CYP2C19: variants seen among roughly 807,000 people sequenced by gnomAD.
CYP2C19 encodes the protein cytochrome P450 family 2 subfamily C member 19.
CYP2C19 carries 59 observed loss-of-function variants against 40.9 expected under a neutral mutation model. The observed-to-expected ratio is 1.44, with a 90% CI of 1.17 to 1.79. The LOEUF (loss-of-function observed/expected upper bound fraction) is 1.79, where lower values mean the gene tolerates loss of function less well. CYP2C19 is among the 40% of genes most tolerant of loss of function. CYP2C19 has a pLI of 0.00. For missense variants in CYP2C19, 754 were observed against 596.9 expected (o/e 1.26, Z -2.74); for synonymous variants, 253 against 208.7 (o/e 1.21, Z -1.83).
chr10:94,821,164 A>G (rs1271104413), intron 6 of CYP2C19, among the ~76,000 whole-genome samples: 4 of 152,182 alleles, frequency 2.6e-5, no homozygotes, highest in Non-Finnish European at 5.9e-5. Context: ...AGAGAAATGA[A>G]GACAGCATGG....
rs141964567 is a variant in CYP2C19, at chr10:94,770,813, G to T, written c.169-4245G>T. Among the ~76,000 whole-genome samples the T allele has an allele frequency of 3.1e-3, 474 of 152,202 alleles. 3 individuals carry two copies. The highest frequency in any genetic ancestry group is 0.011 in the African/African-American group (451 of 41,540). Reference sequence around the variant, plus strand: ...ACTCCTTCTAGAACACTGGTCAACAGATGTTTATGACTACAGTCCCCATGA... The same window carrying T: ...ACTCCTTCTAGAACACTGGTCAACATATGTTTATGACTACAGTCCCCATGA... On this transcript the variant is annotated intron_variant, in intron 1 of 8. Transcript: ENST00000371321.
intron 5 of CYP2C19, among the ~76,000 whole-genome samples, chr10:94,783,560 A>G (rs1181545698): frequency 6.6e-6 from 1 of 152,032 alleles, no homozygotes; most frequent in Non-Finnish European, 1.5e-5. Context: ...CTCCTATTGA[A>G]TTGTCTTGAC....
At chr10:94,784,289 A>T (rs1848514167) in intron 5 of CYP2C19, among the ~76,000 whole-genome samples, 1 of 152,054 alleles carries the variant, frequency 6.6e-6, no homozygotes, top group African/African-American at 2.4e-5. Context: ...ACAAATTGTT[A>T]TTCATCTGTT....
intron 1 of CYP2C19, among the ~76,000 whole-genome samples, chr10:94,770,712 A>C (rs1268724500): frequency 6.6e-6 from 1 of 152,164 alleles, no homozygotes; most frequent in East Asian, 1.9e-4. Flanking sequence ...CGAGGAAAGC[A>C]GAAGGATTTT....
At chr10:94,803,410 C>T (rs917658854) in intron 5 of CYP2C19, among the ~76,000 whole-genome samples, 2 of 152,158 alleles carry the variant, frequency 1.3e-5, no homozygotes, top group African/African-American at 4.8e-5. Flanking sequence ...TGAGCAAAAG[C>T]CAGCTGCAGC....
intron 5 of CYP2C19, among the ~76,000 whole-genome samples, chr10:94,783,561 T>C (rs568888761): frequency 6.6e-6 from 1 of 152,168 alleles, no homozygotes; most frequent in East Asian, 1.9e-4. Context: ...TCCTATTGAA[T>C]TGTCTTGACA....
chr10:94,769,457 C>A (rs1848297026), intron 1 of CYP2C19, among the ~76,000 whole-genome samples: 1 of 152,106 alleles, frequency 6.6e-6, no homozygotes, highest in Admixed American at 6.5e-5. Flanking sequence ...AGAAGGCATC[C>A]TTGAGGTCCA....
intron 4 of CYP2C19, 21 bp downstream of exon 4, chr10:94,780,680 T>C (rs770543095): frequency 6.2e-7 from 1 of 1,612,862 alleles, no homozygotes; most frequent in African/African-American, 1.3e-5. Context: ...GTTTTTTGCT[T>C]CCTGAGAAAC....
At chr10:94,847,249 C>T (rs1378046706) in intron 7 of CYP2C19, among the ~76,000 whole-genome samples, 1 of 151,952 alleles carries the variant, frequency 6.6e-6, no homozygotes, top group Non-Finnish European at 1.5e-5. Flanking sequence ...CAAAACAGTC[C>T]CTGGTGTGTG....
At chr10:94,781,326 T>G (rs1848476159) in intron 4 of CYP2C19, among the ~76,000 whole-genome samples, 2 of 152,188 alleles carry the variant, frequency 1.3e-5, no homozygotes, top group South Asian at 4.1e-4. Flanking sequence ...ACTGCTCTGG[T>G]GCACAGTTGG....
intron 5 of CYP2C19, among the ~76,000 whole-genome samples, chr10:94,807,866 T>C (rs761168966): frequency 1.3e-5 from 2 of 152,148 alleles, no homozygotes; most frequent in Non-Finnish European, 2.9e-5. Flanking sequence ...GAATGTTTTC[T>C]TTGCCCTGCA....
chr10:94,826,905 T>C (rs572235827), intron 6 of CYP2C19, among the ~76,000 whole-genome samples: 1 of 152,042 alleles, frequency 6.6e-6, no homozygotes, highest in African/African-American at 2.4e-5. Flanking sequence ...TTTCTGCATG[T>C]AGTATTGAGA....
chr10:94,842,705 T>C (rs2134286545), intron 6 of CYP2C19, 132 bp from the exon 7 acceptor site: 1 of 1,030,322 alleles, frequency 9.7e-7, no homozygotes, highest in Middle Eastern at 2.1e-4. Flanking sequence ...AAGTTACACA[T>C]ACTTCCAGCA....
chr10:94,785,565 T>G (rs972452306), intron 5 of CYP2C19, among the ~76,000 whole-genome samples: 4 of 152,182 alleles, frequency 2.6e-5, no homozygotes, highest in African/African-American at 9.6e-5. Flanking sequence ...TATTATACTT[T>G]GTAGTAAGTT....
chr10:94,852,444 C>T (rs548482389), intron 8 of CYP2C19, among the ~76,000 whole-genome samples: 3 of 152,276 alleles, frequency 2.0e-5, no homozygotes, highest in South Asian at 4.1e-4. Flanking sequence ...AGCTGACAGT[C>T]AATAAACATT....
intron 1 of CYP2C19, 32 bp downstream of exon 1, chr10:94,762,905 GT>G: frequency 6.3e-7 from 1 of 1,592,472 alleles, no homozygotes; most frequent in Non-Finnish European, 8.6e-7. Flanking sequence ...CTTGCAAAAG[GT>G]AAGTAAATTC....
intron 3 of CYP2C19, among the ~76,000 whole-genome samples, chr10:94,779,783 C>G (rs1360977171): frequency 6.6e-6 from 1 of 152,052 alleles, no homozygotes; most frequent in Non-Finnish European, 1.5e-5. Flanking sequence ...TGGTCTTGAA[C>G]TCCTGACCTC....
At chr10:94,830,476 C>T (rs1849315793) in intron 6 of CYP2C19, among the ~76,000 whole-genome samples, 1 of 152,226 alleles carries the variant, frequency 6.6e-6, no homozygotes, top group African/African-American at 2.4e-5. Context: ...TGACCCCTTG[C>T]ACTTCCCAAG....
chr10:94,780,862 T>C (rs1468095592), intron 4 of CYP2C19, among the ~76,000 whole-genome samples: 2 of 152,140 alleles, frequency 1.3e-5, no homozygotes, highest in Admixed American at 1.3e-4. Flanking sequence ...TAGATCAGGC[T>C]TCTAAGCCCA....
Sources: allele counts gnomAD v4.1 joint callset (sites outside exome capture counted in the v4.1 genomes callset), GRCh38; gene constraint gnomAD v4.1.1; transcripts MANE v1.5; gene names NCBI Gene and HGNC (gene_info 2026-07-23, HGNC 2026-07-21).